The following SYT9 variants were observed in gnomAD, a reference collection of about 807,000 sequenced individuals.
The protein encoded by SYT9 is synaptotagmin 9, also known as synaptotagmin-9.
Under a neutral mutation model 48.4 loss-of-function variants are expected in SYT9, and 22 were observed. That is an observed-to-expected ratio of 0.45 (90% CI 0.32 to 0.65). The LOEUF (loss-of-function observed/expected upper bound fraction) is 0.65, where lower values mean the gene tolerates loss of function less well. Among genes scored for constraint, SYT9 ranks in the 30% least tolerant of loss-of-function variants. The probability of loss-of-function intolerance (pLI) is 0.03; values close to 1 mark genes in which losing one functional copy is unlikely to be tolerated. For synonymous variants in SYT9, 265 were observed against 245.0 expected, an observed-to-expected ratio of 1.08 and a Z score of -0.76; for missense variants, 577 against 622.0, an observed-to-expected ratio of 0.93 and a Z score of 0.77.
intron 6 of SYT9, among the ~76,000 whole-genome samples, chr11:7,436,781 A>C (rs1847719518): frequency 6.6e-6 from 1 of 152,234 alleles, no homozygotes. Context: ...GACGTGACCC[A>C]GCTCAACTTC....
intron 3 of SYT9, among the ~76,000 whole-genome samples, chr11:7,409,524 T>A (rs956999562): frequency 1.3e-5 from 2 of 152,196 alleles, no homozygotes; most frequent in Non-Finnish European, 2.9e-5. Flanking sequence ...TTGGGAGACT[T>A]TGTATTACTG....
Position 7,252,018 on chromosome 11 carries a change from G to A in SYT9, c.-169G>A. ...TGGCGAAGAGCTGCATGCAACCGGTGGGAGGCCGGGCCGGCTGGGTCTGGG... is the reference window on the plus strand; with the variant it reads ...TGGCGAAGAGCTGCATGCAACCGGTAGGAGGCCGGGCCGGCTGGGTCTGGG... On this transcript the variant is annotated 5_prime_UTR_variant, in exon 1 of 7. Coordinates refer to ENST00000318881, the MANE Select transcript of SYT9 (RefSeq NM_175733.4). The surrounding 1 kb of genome is among the most constrained non-coding windows in gnomAD (Gnocchi z 6.3). 1 of 687,198 alleles carries A rather than the reference G, an allele frequency of 1.5e-6. No homozygotes were observed. Among genetic ancestry groups the A allele is most frequent in the Non-Finnish European group, 2.1e-6 (1 of 471,184 alleles). 42.6% of individuals were successfully genotyped at this position (687,198 alleles called of 1,614,324 possible).
chr11:7,253,236 A>G (rs543775320), intron 1 of SYT9, among the ~76,000 whole-genome samples: 70 of 152,326 alleles, frequency 4.6e-4, no homozygotes, highest in African/African-American at 1.5e-3. Context: ...CTGGAGAAAT[A>G]GTTTTCTCGA....
intron 6 of SYT9, 132 bp downstream of exon 6, chr11:7,420,767 G>A: frequency 8.9e-7 from 1 of 1,119,474 alleles, no homozygotes; most frequent in Non-Finnish European, 1.3e-6. Context: ...GCATTTCCTG[G>A]GGCTGTTGGG....
intron 6 of SYT9, chr11:7,457,768 C>T (rs1848173806): frequency 1.3e-5 from 2 of 152,176 alleles, no homozygotes; most frequent in African/African-American, 4.8e-5. Flanking sequence ...TCAAACAGTT[C>T]TCATAAAGGT....
At chr11:7,373,063 T>C (rs1055563186) in intron 3 of SYT9, among the ~76,000 whole-genome samples, 2 of 152,160 alleles carry the variant, frequency 1.3e-5, no homozygotes, top group Non-Finnish European at 2.9e-5. Context: ...AATTTTGAAA[T>C]ATCCATGCCT....
intron 3 of SYT9, among the ~76,000 whole-genome samples, chr11:7,382,410 G>A (rs950733885): frequency 2.6e-5 from 4 of 152,112 alleles, no homozygotes; most frequent in Non-Finnish European, 2.9e-5. Context: ...TTTAGCTTTA[G>A]CCACTGAGAG....
At chr11:7,442,638 C>A (rs998715378) in intron 6 of SYT9, among the ~76,000 whole-genome samples, 12 of 152,156 alleles carry the variant, frequency 7.9e-5, no homozygotes, top group Non-Finnish European at 5.9e-5. Flanking sequence ...TCCTGTCAGC[C>A]GTTTTCTCCA....
intron 1 of SYT9, among the ~76,000 whole-genome samples, chr11:7,302,036 C>T (rs2133935480): frequency 6.6e-6 from 1 of 152,312 alleles, no homozygotes; most frequent in African/African-American, 2.4e-5. Context: ...TGTCCCCTTA[C>T]CACTTCATTG....
intron 3 of SYT9, among the ~76,000 whole-genome samples, chr11:7,353,400 C>A (rs1233692509): frequency 1.3e-5 from 2 of 152,198 alleles, no homozygotes; most frequent in East Asian, 3.8e-4. Flanking sequence ...ATCAGCAGCA[C>A]CCAGTGGGCA....
At chr11:7,347,198 A>G (rs1017507418) in intron 3 of SYT9, among the ~76,000 whole-genome samples, 4 of 152,044 alleles carry the variant, frequency 2.6e-5, no homozygotes, top group South Asian at 4.1e-4. Flanking sequence ...GGACTTATCA[A>G]TTAACCAATA....
intron 3 of SYT9, among the ~76,000 whole-genome samples, chr11:7,352,216 C>A (rs548982151): frequency 2.5e-4 from 38 of 152,258 alleles, no homozygotes; most frequent in African/African-American, 9.1e-4. Flanking sequence ...AGAAAGTAGG[C>A]GTTTTCCTTC....
At chr11:7,443,587 A>T (rs1847871702) in intron 6 of SYT9, among the ~76,000 whole-genome samples, 1 of 152,208 alleles carries the variant, frequency 6.6e-6, no homozygotes, top group African/African-American at 2.4e-5. Flanking sequence ...TCAGCAGCTC[A>T]TGTGCTCCGT....
chr11:7,332,410 G>A (rs1184883432), intron 3 of SYT9, among the ~76,000 whole-genome samples: 4 of 152,220 alleles, frequency 2.6e-5, no homozygotes, highest in Non-Finnish European at 2.9e-5. Flanking sequence ...GCTCATAGCC[G>A]CTAAGGAATG....
chr11:7,250,215 G>T (rs1253780636), upstream of SYT9, among the ~76,000 whole-genome samples: 1 of 152,140 alleles, frequency 6.6e-6, no homozygotes, highest in Admixed American at 6.5e-5. Flanking sequence ...TTATTCCATT[G>T]GTTGCAATCT....
chr11:7,332,898 A>G (rs1269977426), intron 3 of SYT9, among the ~76,000 whole-genome samples: 1 of 152,246 alleles, frequency 6.6e-6, no homozygotes, highest in Non-Finnish European at 1.5e-5. Flanking sequence ...CCAGTAAGGG[A>G]GAACATTCCC....
upstream of SYT9, among the ~76,000 whole-genome samples, chr11:7,248,434 T>C (rs116546578): frequency 0.012 from 1,811 of 152,340 alleles, 42 homozygotes; most frequent in African/African-American, 0.041. Context: ...TTTTACAATG[T>C]TATCTTCCAG....
intron 6 of SYT9, among the ~76,000 whole-genome samples, chr11:7,433,648 T>C (rs902734277): frequency 6.6e-6 from 1 of 152,280 alleles, no homozygotes; most frequent in Admixed American, 6.5e-5. Flanking sequence ...CCTTCATGAA[T>C]GGGATTAGTG....
chr11:7,247,472 TACATATATATATAC>T (rs1443852071), upstream of SYT9, among the ~76,000 whole-genome samples: 33 of 150,164 alleles, frequency 2.2e-4, no homozygotes, highest in African/African-American at 7.9e-4. Flanking sequence ...CATATATATA[TACATATATATATAC>T]ACACACATAT....
Sources: allele counts gnomAD v4.1 joint callset (sites outside exome capture counted in the v4.1 genomes callset), GRCh38; gene constraint gnomAD v4.1.1; non-coding constraint Gnocchi (gnomAD v3.1); transcripts MANE v1.5; gene names NCBI Gene and HGNC (gene_info 2026-07-23, HGNC 2026-07-21).